The following KCNC4 variants were observed in gnomAD, a reference collection of about 807,000 sequenced individuals.
KCNC4 encodes voltage-gated potassium channel KCNC4.
A neutral mutation model predicts 42.8 loss-of-function variants in KCNC4; 23 were observed. The observed-to-expected ratio is 0.54, with a 90% CI of 0.39 to 0.76. KCNC4 has a LOEUF of 0.76. KCNC4 is among the 30% of genes least tolerant of loss of function. The pLI, the probability that KCNC4 is intolerant of heterozygous loss-of-function variation, is 0.00. For synonymous variants in KCNC4, 422 were observed against 393.5 expected (o/e 1.07, Z -0.86); for missense variants, 751 against 898.2 (o/e 0.84, Z 2.10).
chr1:110,270,809 T>C (rs1353522568), intron 1 of KCNC4, among the ~76,000 whole-genome samples: 1 of 152,214 alleles, frequency 6.6e-6, no homozygotes, highest in African/African-American at 2.4e-5. Context: ...GAACACAGGA[T>C]GCCTGGCCTA....
intron 3 of KCNC4, among the ~76,000 whole-genome samples, chr1:110,228,105 T>C (rs1658500270): frequency 6.6e-6 from 1 of 152,112 alleles, no homozygotes; most frequent in African/African-American, 2.4e-5. Context: ...TCGGCAACTT[T>C]CTCCACGCCG....
chr1:110,211,389 G>A lies in KCNC4; in HGVS notation c.-111G>A. 6.9e-7 allele frequency: 1 copy of A among 1,440,982 alleles called. No individual in the cohort carries two copies. 89.3% of individuals were successfully genotyped at this position (1,440,982 alleles called of 1,614,324 possible). A position where few individuals can be genotyped will look rare whatever the true frequency, so the allele number is the denominator to read the frequency against. On this transcript the variant is annotated 5_prime_UTR_variant, in exon 1 of 4. Coordinates refer to ENST00000438661, the MANE Select transcript of KCNC4 (RefSeq NM_001039574.3). This position sits in a 1 kb window ranked among gnomAD's most constrained non-coding sequence, Gnocchi z 6.5. ...CCAAGCCGCAGAGGGGGCCGCCACCGCCTCCTGCCTCCTCTTCGTCTCCTC... is the reference window on the plus strand; with the variant it reads ...CCAAGCCGCAGAGGGGGCCGCCACCACCTCCTGCCTCCTCTTCGTCTCCTC...
intron 1 of KCNC4, among the ~76,000 whole-genome samples, chr1:110,278,461 G>A (rs936352276): frequency 6.6e-6 from 1 of 152,122 alleles, no homozygotes; most frequent in African/African-American, 2.4e-5. Context: ...CAATGCACAG[G>A]CTCTGTGTGC....
At chr1:110,275,960 A>AG (rs2101090236) in intron 1 of KCNC4, among the ~76,000 whole-genome samples, 1 of 149,636 alleles carries the variant, frequency 6.7e-6, no homozygotes, top group South Asian at 2.1e-4. Context: ...GCCTCAAAAA[A>AG]AAAAAAAAAA....
intron 1 of KCNC4, among the ~76,000 whole-genome samples, chr1:110,268,610 GAAAAAAA>G (rs1177241176): frequency 2.9e-4 from 24 of 82,066 alleles, no homozygotes; most frequent in African/African-American, 7.2e-4. Flanking sequence ...TGTCTCAAAA[GAAAAAAA>G]AAAAAAAAAA....
At chr1:110,277,476 C>T (rs1038101371) in intron 1 of KCNC4, among the ~76,000 whole-genome samples, 1 of 152,234 alleles carries the variant, frequency 6.6e-6, no homozygotes, top group African/African-American at 2.4e-5. Context: ...TCATCTGCTA[C>T]CAACCTTGGA....
chr1:110,225,653 G>A (rs945233919), intron 2 of KCNC4: 2 of 266,652 alleles, frequency 7.5e-6, no homozygotes, highest in East Asian at 1.4e-4. Context: ...AGAGTCTGCG[G>A]ACTGCTTTGG....
chr1:110,232,265 G>C, intron 3 of KCNC4: 4 of 1,613,990 alleles, frequency 2.5e-6, no homozygotes, highest in Non-Finnish European at 3.4e-6. Context: ...TTCACCTGAG[G>C]CTGCATGCCC....
intron 1 of KCNC4, chr1:110,220,212 C>T (rs546902692): frequency 6.6e-6 from 1 of 152,336 alleles, no homozygotes; most frequent in South Asian, 2.1e-4. Flanking sequence ...CTTTAGCTCC[C>T]CTCCTCTTCT....
In KCNC4 at chr1:110,223,929, C is replaced by G; in HGVS notation, c.1615+29C>G. The G allele has an allele frequency of 6.5e-7, 1 of 1,533,122 alleles. No individual in the cohort carries two copies. The highest frequency in any genetic ancestry group is 1.2e-5 in the South Asian group (1 of 81,530). 95.0% of individuals were successfully genotyped at this position (1,533,122 alleles called of 1,614,324 possible). A position where few individuals can be genotyped will look rare whatever the true frequency, so the allele number is the denominator to read the frequency against. On this transcript the variant is annotated intron_variant, in intron 2 of 3. Transcript: ENST00000438661. This position sits in a 1 kb window ranked among gnomAD's most constrained non-coding sequence, Gnocchi z 7.5. Reference sequence around the variant, plus strand: ...AGATTAGGGGTTGGGAAGGAAAATCCCTTTTCCCCCAGTGGCCTAGGGAGT... The same window carrying G: ...AGATTAGGGGTTGGGAAGGAAAATCGCTTTTCCCCCAGTGGCCTAGGGAGT...
At chr1:110,280,115 T>A (rs1301787946) in intron 1 of KCNC4, among the ~76,000 whole-genome samples, 2 of 152,078 alleles carry the variant, frequency 1.3e-5, no homozygotes, top group African/African-American at 4.8e-5. Flanking sequence ...GAGTGCTGTG[T>A]TCCATCAGCT....
intron 1 of KCNC4, among the ~76,000 whole-genome samples, chr1:110,276,073 C>T (rs1659720338): frequency 6.6e-6 from 1 of 151,500 alleles, no homozygotes; most frequent in Non-Finnish European, 1.5e-5. Flanking sequence ...CATATGTTCT[C>T]TTATAAGTGA....
At chr1:110,228,138 C>T (rs1055408651) in intron 3 of KCNC4, among the ~76,000 whole-genome samples, 5 of 152,220 alleles carry the variant, frequency 3.3e-5, no homozygotes, top group Non-Finnish European at 2.9e-5. Flanking sequence ...CTTCTCCACA[C>T]TCAGGTTATG....
downstream of KCNC4, among the ~76,000 whole-genome samples, chr1:110,253,816 G>A (rs1659282728): frequency 6.6e-6 from 1 of 152,180 alleles, no homozygotes; most frequent in East Asian, 1.9e-4. Flanking sequence ...GGTGGTGAAA[G>A]CATCTCAAGT....
chr1:110,238,633 C>G (rs757337292), downstream of KCNC4: 5 of 152,190 alleles, frequency 3.3e-5, no homozygotes, highest in Admixed American at 1.3e-4. Context: ...ACAGACACAC[C>G]TGCGTGGCAG....
chr1:110,283,571 C>G (rs577059611), downstream of KCNC4, among the ~76,000 whole-genome samples: 1 of 152,158 alleles, frequency 6.6e-6, no homozygotes, highest in African/African-American at 2.4e-5. Flanking sequence ...CTTTTCTGGA[C>G]GCCTAGCAGA....
chr1:110,279,316 G>A (rs1659781660), intron 1 of KCNC4, among the ~76,000 whole-genome samples: 1 of 152,166 alleles, frequency 6.6e-6, no homozygotes, highest in South Asian at 2.1e-4. Flanking sequence ...CCATCCAAGT[G>A]AAGATAATAA....
chr1:110,248,785 A>T (rs1240857362), exon 4 of KCNC4: 1 of 152,314 alleles, frequency 6.6e-6, no homozygotes, highest in Non-Finnish European at 1.5e-5. Context: ...TAACATACCT[A>T]GTATTAAGTA....
At chr1:110,274,301 C>T (rs1659681838) in intron 1 of KCNC4, among the ~76,000 whole-genome samples, 1 of 152,014 alleles carries the variant, frequency 6.6e-6, no homozygotes, top group Non-Finnish European at 1.5e-5. Flanking sequence ...ACTATTCAGC[C>T]ATGAAAAAGA....
Sources: gnomAD v4.1 joint callset for allele counts (sites outside exome capture counted in the v4.1 genomes callset) on GRCh38, gnomAD v4.1.1 for gene constraint, Gnocchi (gnomAD v3.1) non-coding constraint, MANE v1.5 for transcripts, NCBI Gene and HGNC (gene_info 2026-07-23, HGNC 2026-07-21) for gene names.